The following SMAD6 variants were observed in gnomAD, a reference collection of about 807,000 sequenced individuals.
SMAD6 encodes MAD homolog 6.
A neutral mutation model predicts 39.4 loss-of-function variants in SMAD6; 103 were observed. That is an observed-to-expected ratio of 2.62 (90% CI 2.23 to 3.08). The LOEUF (loss-of-function observed/expected upper bound fraction) is 3.08, where lower values mean the gene tolerates loss of function less well. Ranked by LOEUF, SMAD6 falls within the 30% of genes most tolerant of loss-of-function variation. The pLI is 0.00. For missense variants in SMAD6, 1,104 were observed against 742.9 expected (o/e 1.49, Z -5.65); for synonymous variants, 445 against 353.3 (o/e 1.26, Z -2.91).
At chr15:66,762,237 C>T (rs1381941505) in intron 3 of SMAD6, among the ~76,000 whole-genome samples, 1 of 152,260 alleles carries the variant, frequency 6.6e-6, no homozygotes, top group Non-Finnish European at 1.5e-5. Flanking sequence ...ATTTTCTCCT[C>T]ACTTCCACCT....
At chr15:66,704,546 C>T (rs1483861852) in intron 1 of SMAD6, 2 of 154,472 alleles carry the variant, frequency 1.3e-5, no homozygotes, top group Non-Finnish European at 2.9e-5. Context: ...TGGGTGTACA[C>T]AAATCATAGC....
Position 66,703,191 on chromosome 15 carries a change from G to A in SMAD6, c.-68G>A. ...CTGCGACCCGCGCAGCCGGCGCCTCGCTGAGGGAACGGACCCCCGGTAACC... is the reference window on the plus strand; with the variant it reads ...CTGCGACCCGCGCAGCCGGCGCCTCACTGAGGGAACGGACCCCCGGTAACC... On this transcript the variant is annotated 5_prime_UTR_variant, in exon 1 of 4. Transcript: ENST00000288840. 3 of 1,220,172 alleles carry A rather than the reference G, an allele frequency of 2.5e-6. No individual in the cohort carries two copies. Among genetic ancestry groups the A allele is most frequent in the Middle Eastern group, 3.1e-4 (1 of 3,232 alleles). The allele number at this position is 1,220,172 out of a possible 1,614,324, so 75.6% of individuals were successfully genotyped here. A position where few individuals can be genotyped will look rare whatever the true frequency, so the allele number is the denominator to read the frequency against.
rs1443196422 is a variant in SMAD6 at position 66,703,899 on chromosome 15, G to A, written c.641G>A (p.Arg214His). Reference sequence around the variant, plus strand: ...GTGCTGGTGCCGCGCGCCGACCTCCGCCTGGGCGGCCAGCCCGCGCCGCCG... The same window carrying A: ...GTGCTGGTGCCGCGCGCCGACCTCCACCTGGGCGGCCAGCCCGCGCCGCCG... ...GCVLVPRADL[R>H]LGGQPAPPQL... Residue 214 changes from arginine to histidine, a missense_variant, in exon 1 of 4, where the codon CGC (arginine) becomes CAC (histidine). Arg to His is a conservative substitution (Grantham distance 29). Coordinates refer to ENST00000288840, the MANE Select transcript of SMAD6 (RefSeq NM_005585.5). 9 of 1,289,878 alleles carry A rather than the reference G, an allele frequency of 7.0e-6. No individual in the cohort carries two copies. Among genetic ancestry groups the A allele is most frequent in the Non-Finnish European group, 8.8e-6 (9 of 1,023,394 alleles). The allele number at this position is 1,289,878 out of a possible 1,614,324, so 79.9% of individuals were successfully genotyped here.
At chr15:66,774,956 G>T (rs1894441212) in intron 3 of SMAD6, among the ~76,000 whole-genome samples, 1 of 151,954 alleles carries the variant, frequency 6.6e-6, no homozygotes, top group South Asian at 2.1e-4. Context: ...CCGCCTCCCG[G>T]GTTCTAGCGA....
At chr15:66,756,041 A>AC in intron 3 of SMAD6, among the ~76,000 whole-genome samples, 1 of 151,796 alleles carries the variant, frequency 6.6e-6, no homozygotes, top group East Asian at 1.9e-4. Context: ...AAAAAAAAAA[A>AC]AAACTAATTA....
intron 3 of SMAD6, among the ~76,000 whole-genome samples, chr15:66,770,592 C>CA (rs1162779862): frequency 6.6e-6 from 1 of 152,168 alleles, no homozygotes; most frequent in African/African-American, 2.4e-5. Flanking sequence ...AACAAACAAA[C>CA]ACACTCCAGA....
intron 3 of SMAD6, among the ~76,000 whole-genome samples, chr15:66,732,241 T>G (rs1893643852): frequency 6.6e-6 from 1 of 152,196 alleles, no homozygotes; most frequent in African/African-American, 2.4e-5. Context: ...ATGCCTGGCC[T>G]TGTGGTTTTA....
chr15:66,774,281 G>GA (rs1282959225), intron 3 of SMAD6, among the ~76,000 whole-genome samples: 1 of 152,168 alleles, frequency 6.6e-6, no homozygotes, highest in African/African-American at 2.4e-5. Flanking sequence ...CTGCTGATTC[G>GA]AAGAAGCGAA....
At chr15:66,770,019 G>C (rs1894353783) in intron 3 of SMAD6, among the ~76,000 whole-genome samples, 1 of 152,154 alleles carries the variant, frequency 6.6e-6, no homozygotes, top group African/African-American at 2.4e-5. Context: ...GTAGAGACAG[G>C]GTTTCACCAT....
At chr15:66,726,465 T>C (rs148274689) in intron 3 of SMAD6, among the ~76,000 whole-genome samples, 170 of 152,286 alleles carry the variant, frequency 1.1e-3, no homozygotes, top group African/African-American at 4.0e-3. Context: ...ATGAAATCTC[T>C]GGGGCTTCCT....
intron 3 of SMAD6, among the ~76,000 whole-genome samples, chr15:66,769,822 G>T (rs1055357480): frequency 6.6e-6 from 1 of 152,118 alleles, no homozygotes; most frequent in Non-Finnish European, 1.5e-5. Flanking sequence ...TGAAGTATGT[G>T]CCCAAAGAAG....
At chr15:66,762,634 G>A (rs1034320452) in intron 3 of SMAD6, among the ~76,000 whole-genome samples, 5 of 152,128 alleles carry the variant, frequency 3.3e-5, no homozygotes, top group Admixed American at 2.0e-4. Flanking sequence ...AAATAAGTGA[G>A]TTGGTCTGCC....
chr15:66,780,485 T>G (rs1894538399), intron 3 of SMAD6, among the ~76,000 whole-genome samples: 1 of 152,184 alleles, frequency 6.6e-6, no homozygotes, highest in African/African-American at 2.4e-5. Flanking sequence ...TGGGTTCAAA[T>G]TCTGGCGGGG....
At chr15:66,739,075 T>G (rs1161357486) in intron 3 of SMAD6, among the ~76,000 whole-genome samples, 1 of 134,978 alleles carries the variant, frequency 7.4e-6, no homozygotes, top group Non-Finnish European at 1.6e-5. Context: ...TACCCAGGCC[T>G]TCTTTTTCTT....
intron 1 of SMAD6, among the ~76,000 whole-genome samples, chr15:66,710,807 A>G (rs904215141): frequency 3.9e-5 from 6 of 152,218 alleles, no homozygotes; most frequent in Non-Finnish European, 8.8e-5. Flanking sequence ...GAAAAATATC[A>G]TAGACAATAA....
At chr15:66,735,492 A>C (rs926946183) in intron 3 of SMAD6, among the ~76,000 whole-genome samples, 5 of 152,362 alleles carry the variant, frequency 3.3e-5, no homozygotes, top group Admixed American at 2.6e-4. Context: ...AGTGTGGCAA[A>C]AATCTTGATA....
In SMAD6 at chr15:66,703,213, A is replaced by T. The variant is rs1049586372; in HGVS notation, c.-46A>T. ...CTCGCTGAGGGAACGGACCCCCGGT[A>T]ACCGGAGACCGCCTCCCCCCCACCC... On this transcript the variant is annotated 5_prime_UTR_variant, in exon 1 of 4. An upstream open reading frame in the 5' UTR loses its in-frame stop. Transcript: ENST00000288840. The T allele has an allele frequency of 2.7e-5, 35 of 1,303,984 alleles. No homozygotes were observed. The highest frequency in any genetic ancestry group is 3.3e-5 in the Non-Finnish European group (33 of 1,008,604). 80.8% of individuals were successfully genotyped at this position (1,303,984 alleles called of 1,614,324 possible). A position where few individuals can be genotyped will look rare whatever the true frequency, so the allele number is the denominator to read the frequency against.
Position 66,703,539 on chromosome 15 carries a change from C to A in SMAD6, c.281C>A (p.Ser94Ter). 8.2e-7 allele frequency: 1 copy of A among 1,221,624 alleles called. No individual in the cohort carries two copies. The allele number at this position is 1,221,624 out of a possible 1,614,324, so 75.7% of individuals were successfully genotyped here. A position where few individuals can be genotyped will look rare whatever the true frequency, so the allele number is the denominator to read the frequency against. ...GCAGGGGGCCCCCCGAGGCCCATGT[C>A]GGAGCCAGGGGCCGGCGCTGGGAGC... Reference protein sequence around the residue: ...RRAGGPPRPMSEPGAGAGSSL... With the variant: ...RRAGGPPRPM The change falls in exon 1 of 4, where the codon TCG becomes TAG. Residue 94 changes from serine to a stop codon, truncating the protein, a stop_gained. Transcript: ENST00000288840. LOFTEE classifies it high-confidence loss of function.
chr15:66,730,456 T>C (rs1567100881), intron 3 of SMAD6, among the ~76,000 whole-genome samples: 1 of 152,190 alleles, frequency 6.6e-6, no homozygotes, highest in Non-Finnish European at 1.5e-5. Flanking sequence ...TGAATTTGCA[T>C]TGAGTTTATC....
Sources: allele counts gnomAD v4.1 joint callset (sites outside exome capture counted in the v4.1 genomes callset), GRCh38; gene constraint gnomAD v4.1.1; transcripts MANE v1.5; gene names NCBI Gene and HGNC (gene_info 2026-07-23, HGNC 2026-07-21).